The following NCLN variants were observed in gnomAD, a reference collection of about 807,000 sequenced individuals.
The protein encoded by NCLN is BOS complex subunit NCLN.
NCLN carries 34 observed loss-of-function variants against 69.5 expected under a neutral mutation model. The ratio of observed to expected loss-of-function variants is 0.49; its 90% CI spans 0.37 to 0.65. The LOEUF is 0.65. NCLN is among the 30% of genes least tolerant of loss of function. The pLI is 0.00. For synonymous variants in NCLN, 393 were observed against 358.3 expected (o/e 1.10, Z -1.09); for missense variants, 710 against 804.8 (o/e 0.88, Z 1.42).
chr19:3,208,223 C>G lies in NCLN; in HGVS notation c.*535C>G, dbSNP rs1916329232. ...GGAGGGCAGTGCCAGCCCTGGGGTT[C>G]TGGGATTCCAGCCCTCCTGGAGCCT... On this transcript the variant is annotated 3_prime_UTR_variant, in exon 15 of 15. Transcript: ENST00000246117. 6.5e-6 allele frequency: 1 copy of G among 153,064 alleles called. No homozygotes were observed. The allele number at this position is 153,064 out of a possible 1,614,324, so 9.5% of individuals were successfully genotyped here.
At chr19:3,207,543 A>C in intron 14 of NCLN, 74 bp downstream of exon 14, 1 of 1,607,354 alleles carries the variant, frequency 6.2e-7, no homozygotes, top group East Asian at 2.2e-5. Context: ...CTCCAAGTGC[A>C]TCCTGGCCCC....
intron 1 of NCLN, among the ~76,000 whole-genome samples, chr19:3,190,378 C>T (rs112360720): frequency 2.0e-5 from 3 of 152,146 alleles, no homozygotes; most frequent in South Asian, 2.1e-4. Flanking sequence ...GTGCTGCACC[C>T]GAGACCCCGC....
rs758787685 is a variant in NCLN, at chr19:3,185,985, C to T, written c.-46C>T. 3 of 1,402,590 alleles carry T rather than the reference C, an allele frequency of 2.1e-6. No individual in the cohort carries two copies. The highest frequency in any genetic ancestry group is 2.6e-4 in the Middle Eastern group (1 of 3,850). The allele number at this position is 1,402,590 out of a possible 1,614,324, so 86.9% of individuals were successfully genotyped here. A position where few individuals can be genotyped will look rare whatever the true frequency, so the allele number is the denominator to read the frequency against. ...AGTCCGCGGGAGCCGCCGCCGCCGC[C>T]GTCCCGTCCCAGCTGCCGCCCCGCG... On this transcript the variant is annotated 5_prime_UTR_variant, in exon 1 of 15. Coordinates refer to ENST00000246117, the MANE Select transcript of NCLN (RefSeq NM_020170.4).
Position 3,185,994 on chromosome 19 carries a change from C to T in NCLN, c.-37C>T, listed in dbSNP as rs1915656101. ...GAGCCGCCGCCGCCGCCGTCCCGTCCCAGCTGCCGCCCCGCGCGGCCCCGC... is the reference window on the plus strand; with the variant it reads ...GAGCCGCCGCCGCCGCCGTCCCGTCTCAGCTGCCGCCCCGCGCGGCCCCGC... On this transcript the variant is annotated 5_prime_UTR_variant, in exon 1 of 15. Coordinates refer to ENST00000246117, the MANE Select transcript of NCLN (RefSeq NM_020170.4). 3.4e-6 allele frequency: 5 copies of T among 1,465,718 alleles called. No individual in the cohort carries two copies. Among genetic ancestry groups the T allele is most frequent in the Non-Finnish European group, 4.5e-6 (5 of 1,108,516 alleles). The allele number at this position is 1,465,718 out of a possible 1,614,324, so 90.8% of individuals were successfully genotyped here.
At chr19:3,187,507 C>T (rs564352554) in intron 1 of NCLN, among the ~76,000 whole-genome samples, 5 of 152,352 alleles carry the variant, frequency 3.3e-5, no homozygotes, top group African/African-American at 9.6e-5. Context: ...TTGGGGAGCC[C>T]ATCTCTGGAG....
chr19:3,189,177 C>A (rs1180032654), intron 1 of NCLN, among the ~76,000 whole-genome samples: 1 of 152,194 alleles, frequency 6.6e-6, no homozygotes, highest in Non-Finnish European at 1.5e-5. Context: ...GGACTCTGGC[C>A]CTGCCGGGTG....
In NCLN at chr19:3,204,722, C is replaced by T. The variant is rs529466428; in HGVS notation, c.1179C>T (p.Asp393=). ...TGTCCCACCTGGAGAGCCACCGTGA[C>T]GGCCAGCGCAGCAGCATCATGGACG... ...FTLSHLESHR[D]GQRSSIMDVR... is the part of the protein sequence containing the mutation. The change falls in exon 9 of 15, where the codon GAC becomes GAT. Residue 393 remains aspartate, a synonymous_variant. Transcript: ENST00000246117. 1.1e-5 allele frequency: 17 copies of T among 1,574,432 alleles called. No individual in the cohort carries two copies. Among genetic ancestry groups the T allele is most frequent in the East Asian group, 4.6e-5 (2 of 43,936 alleles).
At chr19:3,195,536 A>T (rs1347529775) in intron 3 of NCLN, among the ~76,000 whole-genome samples, 1 of 152,166 alleles carries the variant, frequency 6.6e-6, no homozygotes, top group Non-Finnish European at 1.5e-5. Context: ...GGTGTGAGCC[A>T]CCGCGCCCGG....
At chr19:3,191,415 G>C (rs529266078) in intron 1 of NCLN, among the ~76,000 whole-genome samples, 2 of 152,242 alleles carry the variant, frequency 1.3e-5, no homozygotes, top group Admixed American at 1.3e-4. Context: ...GGAAGACCCC[G>C]CCTCGCCCCA....
chr19:3,191,773 C>G (rs953878587), intron 1 of NCLN, among the ~76,000 whole-genome samples: 1 of 152,162 alleles, frequency 6.6e-6, no homozygotes. Context: ...AGACACAGAC[C>G]GGAAATACTC....
intron 4 of NCLN, among the ~76,000 whole-genome samples, chr19:3,198,119 G>C (rs1016448406): frequency 2.0e-5 from 3 of 152,192 alleles, no homozygotes; most frequent in Admixed American, 6.5e-5. Flanking sequence ...GGTGCACACA[G>C]ACCCTGAAGG....
At chr19:3,206,218 G>C in intron 11 of NCLN, 28 bp downstream of exon 11, 2 of 855,360 alleles carry the variant, frequency 2.3e-6, no homozygotes, top group Non-Finnish European at 3.8e-6. Context: ...GTGGGTGGGT[G>C]GGTGGGCGGG....
intron 5 of NCLN, among the ~76,000 whole-genome samples, chr19:3,199,916 G>C (rs1186563134): frequency 6.6e-6 from 1 of 151,838 alleles, no homozygotes; most frequent in African/African-American, 2.4e-5. Context: ...TAGCCAGGAT[G>C]GTCTCGATCT....
Position 3,205,887 on chromosome 19 carries a change from C to T in NCLN, c.1209-52C>T. The T allele has an allele frequency of 6.4e-7, 1 of 1,563,750 alleles. No homozygotes were observed. Among genetic ancestry groups the T allele is most frequent in the Non-Finnish European group, 8.8e-7 (1 of 1,135,640 alleles). On this transcript the variant is annotated intron_variant, in intron 9 of 14. Coordinates refer to ENST00000246117, the MANE Select transcript of NCLN (RefSeq NM_020170.4). This position sits in a 1 kb window ranked among gnomAD's most constrained non-coding sequence, Gnocchi z 4.6. ...GCTGGGATTACAAGTGTGAGAGCTA[C>T]CTTGCCTGGCCCAAAGTCCACATTT...
rs1916315398 is a variant in NCLN, at chr19:3,207,852, C to G, written c.*164C>G. 1 of 609,820 alleles carries G rather than the reference C, an allele frequency of 1.6e-6. No homozygotes were observed. Among genetic ancestry groups the G allele is most frequent in the Non-Finnish European group, 2.9e-6 (1 of 339,268 alleles). 37.8% of individuals were successfully genotyped at this position (609,820 alleles called of 1,614,324 possible). A position where few individuals can be genotyped will look rare whatever the true frequency, so the allele number is the denominator to read the frequency against. On this transcript the variant is annotated 3_prime_UTR_variant, in exon 15 of 15. Transcript: ENST00000246117. ...AATTACAGAGCTTTTTTCTGTTGCT[C>G]TCCGAGACTGGGGGGGGATTGTTTC...
chr19:3,198,375 C>T (rs1916025131), intron 4 of NCLN, among the ~76,000 whole-genome samples: 1 of 151,862 alleles, frequency 6.6e-6, no homozygotes, highest in African/African-American at 2.4e-5. Flanking sequence ...GATGTGGTGG[C>T]GGGTGCCTGT....
chr19:3,198,981 G>A (rs1916051251), intron 5 of NCLN, 84 bp downstream of exon 5: 3 of 1,008,392 alleles, frequency 3.0e-6, no homozygotes, highest in African/African-American at 1.7e-5. Context: ...GCGCCTGTAG[G>A]GGATGGCGGC....
At position 3,205,975 on chromosome 19, in the gene NCLN, G is replaced by A. The variant is rs764374258; in HGVS notation, c.1245G>A (p.Thr415=). Residue 415 remains threonine, a synonymous_variant, in exon 10 of 15, where the codon ACG becomes ACA. Transcript: ENST00000246117. This position sits in a 1 kb window ranked among gnomAD's most constrained non-coding sequence, Gnocchi z 4.6. ...RVDSKTLTRN[T]RIIAEALTRV... ...ATTCTAAGACCCTGACCCGTAACAC[G>A]AGGATCATTGCAGAGGCCCTGACTC... 36 of 1,613,650 alleles carry A rather than the reference G, an allele frequency of 2.2e-5. No homozygotes were observed. The Admixed American group carries it at 4.2e-4, about 19-fold the overall frequency.
At chr19:3,196,367 G>A in intron 4 of NCLN, 90 bp downstream of exon 4, 1 of 924,860 alleles carries the variant, frequency 1.1e-6, no homozygotes, top group Non-Finnish European at 1.6e-6. Context: ...CTAGAGGGGA[G>A]CCGCTGATGG....
Sources: allele counts gnomAD v4.1 joint callset (sites outside exome capture counted in the v4.1 genomes callset), GRCh38; gene constraint gnomAD v4.1.1; non-coding constraint Gnocchi (gnomAD v3.1); transcripts MANE v1.5; gene names NCBI Gene and HGNC (gene_info 2026-07-23, HGNC 2026-07-21).